The following GAP43 variants were observed in gnomAD, a reference collection of about 807,000 sequenced individuals.
GAP43 encodes neuromodulin.
A neutral mutation model predicts 18.6 loss-of-function variants in GAP43; 6 were observed. The ratio of observed to expected loss-of-function variants is 0.32; its 90% CI spans 0.18 to 0.64. The LOEUF is 0.64. Among genes scored for constraint, GAP43 ranks in the 30% least tolerant of loss-of-function variants. GAP43 has a pLI of 0.78. For missense variants in GAP43, 292 were observed against 295.5 expected (o/e 0.99, Z 0.09); for synonymous variants, 115 against 111.4 (o/e 1.03, Z -0.20).
At chr3:115,686,396 G>T (rs973205009) in intron 2 of GAP43, among the ~76,000 whole-genome samples, 4 of 152,176 alleles carry the variant, frequency 2.6e-5, no homozygotes, top group African/African-American at 9.7e-5. Context: ...AGGAAGAAAA[G>T]TAAAGTTTAG....
At chr3:115,627,786 C>T (rs902963517) in intron 1 of GAP43, among the ~76,000 whole-genome samples, 2 of 152,164 alleles carry the variant, frequency 1.3e-5, no homozygotes, top group African/African-American at 4.8e-5. Context: ...TGATTTCATA[C>T]AGGAATTCTC....
chr3:115,653,202 G>A (rs1708542669), intron 1 of GAP43, among the ~76,000 whole-genome samples: 1 of 152,176 alleles, frequency 6.6e-6, no homozygotes, highest in South Asian at 2.1e-4. Context: ...CACTTTGGGA[G>A]GCTGAGGGGG....
intron 1 of GAP43, among the ~76,000 whole-genome samples, chr3:115,645,895 A>G (rs1159058263): frequency 6.6e-6 from 1 of 152,106 alleles, no homozygotes; most frequent in East Asian, 1.9e-4. Context: ...AAACATATGC[A>G]GACACAAAAC....
intron 1 of GAP43, among the ~76,000 whole-genome samples, chr3:115,669,140 T>A (rs1001590859): frequency 6.6e-6 from 1 of 151,942 alleles, no homozygotes; most frequent in Non-Finnish European, 1.5e-5. Context: ...TAGATAAATA[T>A]AAATCAGTTG....
At chr3:115,659,525 A>G (rs945912145) in intron 1 of GAP43, among the ~76,000 whole-genome samples, 1 of 152,152 alleles carries the variant, frequency 6.6e-6, no homozygotes, top group Non-Finnish European at 1.5e-5. Flanking sequence ...AATGTGAATG[A>G]ACATTAAACA....
At chr3:115,702,908 G>A (rs144832954) in intron 2 of GAP43, among the ~76,000 whole-genome samples, 1 of 152,246 alleles carries the variant, frequency 6.6e-6, no homozygotes, top group East Asian at 1.9e-4. Context: ...TCTTACGGGA[G>A]TCCTGAGAAA....
chr3:115,697,123 G>A (rs190769455), intron 2 of GAP43, among the ~76,000 whole-genome samples: 1 of 151,992 alleles, frequency 6.6e-6, no homozygotes, highest in Admixed American at 6.6e-5. Context: ...ACAGGCATGA[G>A]CCACCACACC....
intron 2 of GAP43, 72 bp from the exon 3 acceptor site, chr3:115,720,722 G>A (rs2107383566): frequency 4.3e-6 from 4 of 932,932 alleles, no homozygotes; most frequent in Non-Finnish European, 6.8e-6. Flanking sequence ...GCATTGCACT[G>A]TTGTATGAGC....
chr3:115,677,159 G>A (rs1260103529), intron 2 of GAP43, among the ~76,000 whole-genome samples: 1 of 152,128 alleles, frequency 6.6e-6, no homozygotes, highest in Non-Finnish European at 1.5e-5. Flanking sequence ...ACCATCGGTT[G>A]GTGAGTAGTG....
At chr3:115,638,586 G>T (rs945848660) in intron 1 of GAP43, among the ~76,000 whole-genome samples, 2 of 149,986 alleles carry the variant, frequency 1.3e-5, no homozygotes, top group African/African-American at 2.5e-5. Flanking sequence ...TCAATATTCT[G>T]GTCACTGCCT....
chr3:115,637,644 A>C (rs1324316633), intron 1 of GAP43, among the ~76,000 whole-genome samples: 5 of 151,858 alleles, frequency 3.3e-5, no homozygotes, highest in Non-Finnish European at 1.5e-5. Flanking sequence ...TTGTGCCCAT[A>C]AGTCTCACTT....
At chr3:115,695,029 G>GT (rs1303455836) in intron 2 of GAP43, among the ~76,000 whole-genome samples, 1 of 152,170 alleles carries the variant, frequency 6.6e-6, no homozygotes, top group Non-Finnish European at 1.5e-5. Context: ...CAGTTGAACT[G>GT]TTTTTATAGC....
chr3:115,717,315 C>CTT (rs34080211), intron 2 of GAP43, among the ~76,000 whole-genome samples: 38,328 of 144,792 alleles, frequency 0.26, 5,324 homozygotes, highest in Admixed American at 0.32. Context: ...ATTTTATTGT[C>CTT]TTTTTTTTTT....
chr3:115,644,271 G>A lies in GAP43; in HGVS notation c.30+20552G>A, dbSNP rs2107471883. ...TATTTATTTATTGCAGGCACTGTAGGGGAAATGCTTGCTTTGCCACTGGCA... is the reference window on the plus strand; with the variant it reads ...TATTTATTTATTGCAGGCACTGTAGAGGAAATGCTTGCTTTGCCACTGGCA... On this transcript the variant is annotated intron_variant, in intron 1 of 2. Transcript: ENST00000305124. The surrounding 1 kb of genome is among the most constrained non-coding windows in gnomAD (Gnocchi z 4.2). 6.6e-6 allele frequency among the ~76,000 whole-genome samples: 1 copy of A among 152,098 alleles called. No homozygotes were observed. Among genetic ancestry groups the A allele is most frequent in the East Asian group, 1.9e-4 (1 of 5,166 alleles).
chr3:115,712,621 C>T (rs552107075), intron 2 of GAP43, among the ~76,000 whole-genome samples: 21 of 152,196 alleles, frequency 1.4e-4, no homozygotes, highest in African/African-American at 4.8e-4. Context: ...AAACAACCCA[C>T]GATAAGGTAG....
intron 2 of GAP43, among the ~76,000 whole-genome samples, chr3:115,679,213 A>G (rs1708928919): frequency 6.6e-6 from 1 of 152,154 alleles, no homozygotes; most frequent in Admixed American, 6.6e-5. Context: ...AAAAATAGGT[A>G]CAAAGAGAAA....
chr3:115,677,447 T>TA (rs1708907677), intron 2 of GAP43, among the ~76,000 whole-genome samples: 1 of 152,196 alleles, frequency 6.6e-6, no homozygotes, highest in African/African-American at 2.4e-5. Context: ...TCACTATTAC[T>TA]GCTCAATTGT....
chr3:115,623,836 C>T lies in GAP43; in HGVS notation c.30+117C>T, dbSNP rs1576972638. ...GCTCTGGCCGTGGTGCTCGCGCTTC[C>T]TTAGCATATGGTAACTGATGGTTGC... is the stretch of plus-strand genomic sequence containing the variant. On this transcript the variant is annotated intron_variant, in intron 1 of 2. Transcript: ENST00000305124. The T allele has an allele frequency of 3.0e-6, 3 of 1,015,974 alleles. No homozygotes were observed. The East Asian group carries it at 7.1e-5, about 24-fold the overall frequency. The allele number at this position is 1,015,974 out of a possible 1,614,324, so 62.9% of individuals were successfully genotyped here. A position where few individuals can be genotyped will look rare whatever the true frequency, so the allele number is the denominator to read the frequency against.
intron 2 of GAP43, among the ~76,000 whole-genome samples, chr3:115,707,278 A>T (rs1017410169): frequency 6.6e-6 from 1 of 152,010 alleles, no homozygotes; most frequent in African/African-American, 2.4e-5. Context: ...CAGAAGTAGA[A>T]TTTATTTATT....
Sources: allele counts gnomAD v4.1 joint callset (sites outside exome capture counted in the v4.1 genomes callset), GRCh38; gene constraint gnomAD v4.1.1; non-coding constraint Gnocchi (gnomAD v3.1); transcripts MANE v1.5; gene names NCBI Gene and HGNC (gene_info 2026-07-23, HGNC 2026-07-21).